Variants in CCNY observed in about 807,000 individuals in gnomAD.
CCNY encodes cyclin Y.
Under a neutral mutation model 42.8 loss-of-function variants are expected in CCNY, and 19 were observed. That is an observed-to-expected ratio of 0.44 (90% CI 0.31 to 0.65). The LOEUF (loss-of-function observed/expected upper bound fraction) is 0.65. CCNY is among the 30% of genes least tolerant of loss of function. CCNY has a pLI of 0.07. For missense variants in CCNY, 370 were observed against 437.3 expected (o/e 0.85, Z 1.37); for synonymous variants, 165 against 162.7 (o/e 1.01, Z -0.11).
chr10:35,504,966 C>T (rs1435107478), intron 3 of CCNY, among the ~76,000 whole-genome samples: 2 of 151,388 alleles, frequency 1.3e-5, no homozygotes, highest in Non-Finnish European at 2.9e-5. Flanking sequence ...GAAAGATACA[C>T]GTATTTTTAA....
rs1839717252 is a variant in CCNY, at chr10:35,483,434, A to G, written c.185A>G (p.His62Arg). 6.2e-7 allele frequency: 1 copy of G among 1,608,794 alleles called. No homozygotes were observed. Among genetic ancestry groups the G allele is most frequent in the African/African-American group, 1.3e-5 (1 of 74,654 alleles). The part of the protein sequence containing the change: ...DLNMEFNPSD[H>R]PRASTIFLSK... ...AACATGGAATTCAATCCTTCAGATCATCCTCGGGCCAGCACAATATTCCTC... is the reference window on the plus strand; with the variant it reads ...AACATGGAATTCAATCCTTCAGATCGTCCTCGGGCCAGCACAATATTCCTC... The change falls in exon 2 of 10, where the codon CAT becomes CGT. Residue 62 changes from histidine to arginine, a missense_variant. Physicochemically the swap from His to Arg is conservative, Grantham distance 29. This residue lies in a region of CCNY where 136 missense variants were observed against 124.2 expected (regional missense o/e 1.09). Coordinates refer to ENST00000374704, the MANE Select transcript of CCNY (RefSeq NM_145012.6).
intron 3 of CCNY, among the ~76,000 whole-genome samples, chr10:35,322,279 G>C (rs1465924099): frequency 6.6e-6 from 1 of 151,734 alleles, no homozygotes; most frequent in Admixed American, 6.6e-5. Flanking sequence ...GCTGGAACCT[G>C]GGAGGCAGAG....
chr10:35,480,965 CA>C (rs1336596089), intron 1 of CCNY, among the ~76,000 whole-genome samples: 3 of 152,056 alleles, frequency 2.0e-5, no homozygotes, highest in Admixed American at 1.3e-4. Flanking sequence ...GACCCCATCT[CA>C]AAAACAAAAA....
intron 1 of CCNY, among the ~76,000 whole-genome samples, chr10:35,340,923 C>T (rs763691880): frequency 2.0e-5 from 3 of 152,080 alleles, no homozygotes; most frequent in Non-Finnish European, 2.9e-5. Flanking sequence ...AGACTTTGAC[C>T]ACTCTCAAGA....
intron 7 of CCNY, among the ~76,000 whole-genome samples, chr10:35,548,543 A>G (rs775014577): frequency 3.0e-4 from 46 of 152,078 alleles, no homozygotes; most frequent in Admixed American, 6.5e-4. Context: ...TGATCTGCCC[A>G]CCTTGGCCTC....
At chr10:35,403,955 T>A (rs1451532798) in intron 1 of CCNY, among the ~76,000 whole-genome samples, 1 of 152,176 alleles carries the variant, frequency 6.6e-6, no homozygotes, top group Non-Finnish European at 1.5e-5. Flanking sequence ...GTCAGGTGGA[T>A]CAGAGACATA....
intron 4 of CCNY, among the ~76,000 whole-genome samples, chr10:35,519,797 T>TTTTTTTTTTTTTC: frequency 6.9e-6 from 1 of 143,994 alleles, no homozygotes; most frequent in Non-Finnish European, 1.5e-5. Flanking sequence ...TTTTTTTTTT[T>TTTTTTTTTTTTTC]TTTTGAGACA....
intron 1 of CCNY, among the ~76,000 whole-genome samples, chr10:35,443,060 G>A (rs937703457): frequency 6.6e-6 from 1 of 152,096 alleles, no homozygotes; most frequent in African/African-American, 2.4e-5. Context: ...GTAACAATAC[G>A]GTATAGAAGA....
intron 8 of CCNY, among the ~76,000 whole-genome samples, chr10:35,555,360 A>G (rs1469194554): frequency 1.3e-5 from 2 of 152,232 alleles, no homozygotes; most frequent in African/African-American, 4.8e-5. Flanking sequence ...ATAAAAAGAT[A>G]GGAGGGTAAA....
At chr10:35,288,980 A>C (rs550412503) in intron 3 of CCNY, among the ~76,000 whole-genome samples, 2 of 152,304 alleles carry the variant, frequency 1.3e-5, no homozygotes, top group East Asian at 3.9e-4. Context: ...CCATTTCAAA[A>C]ATCCTTCTGA....
chr10:35,422,862 C>G (rs1838188139), intron 1 of CCNY, among the ~76,000 whole-genome samples: 1 of 152,076 alleles, frequency 6.6e-6, no homozygotes, highest in Non-Finnish European at 1.5e-5. Flanking sequence ...ATTTAATTGT[C>G]TAGCTAGTAA....
At chr10:35,434,089 C>G (rs921246384) in intron 1 of CCNY, 3 of 152,160 alleles carry the variant, frequency 2.0e-5, no homozygotes, top group Non-Finnish European at 4.4e-5. Context: ...GGAAAATAAT[C>G]TTCTATTAAT....
rs1840731560 is a variant in CCNY at position 35,530,006 on chromosome 10, T to C, written c.435T>C (p.Phe145=). 1 of 1,614,168 alleles carries C rather than the reference T, an allele frequency of 6.2e-7. No homozygotes were observed. Among genetic ancestry groups the C allele is most frequent in the Non-Finnish European group, 8.5e-7 (1 of 1,179,968 alleles). The change falls in exon 6 of 10, where the codon TTT becomes TTC. Residue 145 remains phenylalanine (F), a synonymous_variant. Coordinates refer to ENST00000374704, the MANE Select transcript of CCNY (RefSeq NM_145012.6). This position sits in a 1 kb window ranked among gnomAD's most constrained non-coding sequence, Gnocchi z 4.3. ...DPDGRMLLDI[F]DENLHPLSKS... ...ATGGAAGGATGCTCTTAGATATTTT[T>C]GATGAAAATCTTCACCCTCTTTCGG...
chr10:35,400,986 A>G (rs1176438835), intron 1 of CCNY, among the ~76,000 whole-genome samples: 1 of 152,236 alleles, frequency 6.6e-6, no homozygotes, highest in Admixed American at 6.5e-5. Flanking sequence ...ACTTTCTCAA[A>G]TGTACACTTT....
At chr10:35,533,080 C>A (rs1002557885) in intron 7 of CCNY, among the ~76,000 whole-genome samples, 1 of 152,164 alleles carries the variant, frequency 6.6e-6, no homozygotes, top group Non-Finnish European at 1.5e-5. Context: ...ATGTGCAGGT[C>A]GGCTTTCTTG....
intron 1 of CCNY, among the ~76,000 whole-genome samples, chr10:35,345,583 A>T (rs1589048899): frequency 6.6e-6 from 1 of 152,282 alleles, no homozygotes; most frequent in Admixed American, 6.5e-5. Flanking sequence ...GTCATTATGA[A>T]TGTGGTACTC....
At chr10:35,345,271 C>G (rs1836276465) in intron 1 of CCNY, among the ~76,000 whole-genome samples, 2 of 152,136 alleles carry the variant, frequency 1.3e-5, no homozygotes, top group Admixed American at 1.3e-4. Context: ...GCCATTCTAA[C>G]TGGTGTGAGA....
At chr10:35,489,820 T>C (rs773859575) in intron 2 of CCNY, among the ~76,000 whole-genome samples, 119 of 152,080 alleles carry the variant, frequency 7.8e-4, no homozygotes, top group Non-Finnish European at 1.2e-3. Flanking sequence ...GTTAGAGGAG[T>C]CCCTCATTTT....
chr10:35,484,690 A>T (rs1839746544), intron 2 of CCNY, among the ~76,000 whole-genome samples: 1 of 152,206 alleles, frequency 6.6e-6, no homozygotes, highest in African/African-American at 2.4e-5. Flanking sequence ...ACCATGAAAA[A>T]AGAGGGTCAA....
Sources: gnomAD v4.1 joint callset for allele counts (sites outside exome capture counted in the v4.1 genomes callset) on GRCh38, gnomAD v4.1.1 for gene constraint, gnomAD v4.1.1 regional missense constraint, Gnocchi (gnomAD v3.1) non-coding constraint, MANE v1.5 for transcripts, NCBI Gene and HGNC (gene_info 2026-07-23, HGNC 2026-07-21) for gene names.